EML4: variants seen among roughly 807,000 people sequenced by gnomAD.
EML4 encodes echinoderm microtubule-associated protein-like 4.
Under a neutral mutation model 129.0 loss-of-function variants are expected in EML4, and 72 were observed. The observed-to-expected ratio is 0.56, with a 90% confidence interval of 0.46 to 0.68. The LOEUF (loss-of-function observed/expected upper bound fraction) is 0.68. Ranked by LOEUF, EML4 falls within the 30% of genes least tolerant of loss-of-function variation. The pLI is 0.00. For synonymous variants in EML4, 532 were observed against 405.0 expected (o/e 1.31, Z -3.77); for missense variants, 1,363 against 1,190.6 (o/e 1.14, Z -2.13).
At chr2:42,315,921 G>C in intron 17 of EML4, 41 bp from the exon 18 acceptor site, 1 of 1,406,954 alleles carries the variant, frequency 7.1e-7, no homozygotes. Context: ...TTCTATAAAT[G>C]CTAATATCTG....
intron 6 of EML4, among the ~76,000 whole-genome samples, chr2:42,278,573 CAAAAAAAAAAAAAA>C (rs35916382): frequency 0.081 from 4,411 of 54,562 alleles, 136 homozygotes; most frequent in Middle Eastern, 0.2. Context: ...GACTCCATCT[CAAAAAAAAAAAAAA>C]AAAAAAAAAA....
chr2:42,284,644 C>A lies in EML4; in HGVS notation c.952C>A (p.His318Asn). Residue 318 changes from histidine to asparagine, a missense_variant, in exon 9 of 23, where the codon CAT becomes AAT. By Grantham distance (68) the His-to-Asn change is moderately conservative. Coordinates refer to ENST00000318522, the MANE Select transcript of EML4 (RefSeq NM_019063.5). The part of the protein sequence containing the change: ...HTDCVKCLAI[H>N]PDKIRIATGQ... ...AATACTGCTTTTTAGCCTTGCTATA[C>A]ATCCTGACAAAATTAGGATTGCAAC... 6.2e-7 allele frequency: 1 copy of A among 1,611,950 alleles called. No individual in the cohort carries two copies. Among genetic ancestry groups the A allele is most frequent in the Non-Finnish European group, 8.5e-7 (1 of 1,178,818 alleles).
chr2:42,309,270 A>T (rs994429536), intron 17 of EML4, among the ~76,000 whole-genome samples: 18 of 151,740 alleles, frequency 1.2e-4, no homozygotes, highest in African/African-American at 3.9e-4. Context: ...ATAGCCAGGC[A>T]TGGTGGCACA....
At chr2:42,311,691 T>G (rs1314297097) in intron 17 of EML4, among the ~76,000 whole-genome samples, 1 of 152,212 alleles carries the variant, frequency 6.6e-6, no homozygotes, top group Non-Finnish European at 1.5e-5. Flanking sequence ...TTTTGTTCCC[T>G]TTCTCTAAAA....
intron 1 of EML4, among the ~76,000 whole-genome samples, chr2:42,179,446 A>T (rs1420596714): frequency 6.6e-6 from 1 of 152,132 alleles, no homozygotes; most frequent in East Asian, 1.9e-4. Context: ...GGATGGTGGT[A>T]AGTATTGCAT....
chr2:42,203,245 C>T (rs879356112), intron 1 of EML4, among the ~76,000 whole-genome samples: 1 of 152,134 alleles, frequency 6.6e-6, no homozygotes, highest in Non-Finnish European at 1.5e-5. Flanking sequence ...GAAAACTTAA[C>T]CTAACATTTT....
At chr2:42,175,959 A>G (rs1014183309) in intron 1 of EML4, among the ~76,000 whole-genome samples, 1 of 151,166 alleles carries the variant, frequency 6.6e-6, no homozygotes, top group Non-Finnish European at 1.5e-5. Context: ...TACTGCAGAC[A>G]TAATTTTGCA....
Position 42,241,463 on chromosome 2 carries a change from G to T in EML4, c.26-4042G>T, listed in dbSNP as rs115190431. On this transcript the variant is annotated intron_variant, in intron 1 of 22. Coordinates refer to ENST00000318522, the MANE Select transcript of EML4 (RefSeq NM_019063.5). ...TTATACTGAGATAGGAGACATACTTGTTCTGGAGAAACTGAGATACTTGAA... is the reference window on the plus strand; with the variant it reads ...TTATACTGAGATAGGAGACATACTTTTTCTGGAGAAACTGAGATACTTGAA... Among the ~76,000 whole-genome samples the T allele has an allele frequency of 8.1e-3, 1,241 of 152,294 alleles. 16 individuals are homozygous for T. The highest frequency in any genetic ancestry group is 0.031 in the Middle Eastern group (9 of 294).
At chr2:42,306,704 G>A (rs866125531) in intron 17 of EML4, among the ~76,000 whole-genome samples, 7 of 149,944 alleles carry the variant, frequency 4.7e-5, no homozygotes, top group Admixed American at 6.7e-5. Context: ...GAGTTTCACC[G>A]TGTTAGCCAG....
intron 1 of EML4, 191 bp downstream of exon 1, chr2:42,169,827 T>A: frequency 1.9e-6 from 1 of 522,552 alleles, no homozygotes; most frequent in Non-Finnish European, 3.3e-6. Context: ...TGTCCAACTC[T>A]CCTCTGTGTC....
chr2:42,275,677 T>C (rs1341009339), intron 6 of EML4, among the ~76,000 whole-genome samples: 2 of 152,240 alleles, frequency 1.3e-5, no homozygotes, highest in Non-Finnish European at 2.9e-5. Context: ...GTGCTAAAGC[T>C]GAGATTCAAA....
intron 8 of EML4, among the ~76,000 whole-genome samples, chr2:42,283,492 C>T: frequency 6.6e-6 from 1 of 152,008 alleles, no homozygotes; most frequent in Non-Finnish European, 1.5e-5. Flanking sequence ...TAGTTAAATG[C>T]AATTATTTAT....
chr2:42,184,150 T>C (rs532551795), intron 1 of EML4, among the ~76,000 whole-genome samples: 2 of 152,332 alleles, frequency 1.3e-5, no homozygotes, highest in South Asian at 2.1e-4. Flanking sequence ...TTGAAAACCA[T>C]TGATATGGTT....
intron 1 of EML4, among the ~76,000 whole-genome samples, chr2:42,208,845 G>GGTA (rs1490332338): frequency 6.7e-6 from 1 of 149,500 alleles, no homozygotes; most frequent in East Asian, 2.0e-4. Flanking sequence ...TTTAAAGCTT[G>GGTA]GTAAATTATT....
chr2:42,312,184 C>T (rs1218344018), intron 17 of EML4, among the ~76,000 whole-genome samples: 1 of 152,142 alleles, frequency 6.6e-6, no homozygotes, highest in Non-Finnish European at 1.5e-5. Context: ...CAGCTCACAG[C>T]TCACAAAATT....
chr2:42,260,049 G>T (rs1210793119), intron 3 of EML4, among the ~76,000 whole-genome samples: 1 of 148,270 alleles, frequency 6.7e-6, no homozygotes, highest in Non-Finnish European at 1.5e-5. Context: ...TTTTTTTAAA[G>T]AGACAGAGTC....
chr2:42,302,366 T>G (rs1290586672), intron 14 of EML4, among the ~76,000 whole-genome samples: 1 of 152,148 alleles, frequency 6.6e-6, no homozygotes, highest in Non-Finnish European at 1.5e-5. Flanking sequence ...TATATTTTGA[T>G]CCTTACAACA....
intron 1 of EML4, among the ~76,000 whole-genome samples, chr2:42,192,821 G>T (rs1430141033): frequency 6.6e-6 from 1 of 152,128 alleles, no homozygotes; most frequent in African/African-American, 2.4e-5. Flanking sequence ...CCAGTATCAT[G>T]ATTTTCACTT....
chr2:42,230,287 A>T (rs944997290), intron 1 of EML4, among the ~76,000 whole-genome samples: 2 of 152,244 alleles, frequency 1.3e-5, no homozygotes, highest in Non-Finnish European at 2.9e-5. Flanking sequence ...TTTACAATCT[A>T]GTTAGGAATT....
Sources: allele counts gnomAD v4.1 joint callset (sites outside exome capture counted in the v4.1 genomes callset), GRCh38; gene constraint gnomAD v4.1.1; transcripts MANE v1.5; gene names NCBI Gene and HGNC (gene_info 2026-07-23, HGNC 2026-07-21).